The following FHIT variants were observed in gnomAD, a reference collection of about 807,000 sequenced individuals.
FHIT encodes fragile histidine triad diadenosine triphosphatase, also known as bis(5'-adenosyl)-triphosphatase.
FHIT carries 19 observed loss-of-function variants against 17.9 expected under a neutral mutation model. The ratio of observed to expected loss-of-function variants is 1.06; its 90% CI spans 0.74 to 1.56. The LOEUF (loss-of-function observed/expected upper bound fraction) is 1.56. Among genes scored for constraint, FHIT ranks in the 40% most tolerant of loss-of-function variants. FHIT has a pLI of 0.00. For synonymous variants in FHIT, 81 were observed against 69.7 expected (o/e 1.16, Z -0.81); for missense variants, 248 against 189.2 (o/e 1.31, Z -1.82).
At chr3:60,624,857 T>C (rs777044153) in intron 4 of FHIT, among the ~76,000 whole-genome samples, 2 of 151,992 alleles carry the variant, frequency 1.3e-5, no homozygotes, top group African/African-American at 2.4e-5. Context: ...GCCATGTTTG[T>C]CCATTCAGAA....
intron 5 of FHIT, among the ~76,000 whole-genome samples, chr3:60,322,658 C>A (rs1443299679): frequency 6.6e-6 from 1 of 152,168 alleles, no homozygotes; most frequent in African/African-American, 2.4e-5. Flanking sequence ...TTCTTTGAAA[C>A]CTGCACTTGC....
At chr3:60,820,126 G>A (rs906951513) in intron 4 of FHIT, among the ~76,000 whole-genome samples, 2 of 151,986 alleles carry the variant, frequency 1.3e-5, no homozygotes, top group African/African-American at 2.4e-5. Context: ...TGGCCAACAC[G>A]GTAAAACCCC....
intron 2 of FHIT, among the ~76,000 whole-genome samples, chr3:61,191,093 A>T (rs573306986): frequency 1.3e-5 from 2 of 152,168 alleles, no homozygotes; most frequent in African/African-American, 4.8e-5. Context: ...AAAAAAAAAT[A>T]AAATAAAAAA....
chr3:60,337,279 T>C (rs1437141653), intron 5 of FHIT, among the ~76,000 whole-genome samples: 1 of 152,120 alleles, frequency 6.6e-6, no homozygotes, highest in African/African-American at 2.4e-5. Context: ...GACATGAAGT[T>C]CTATCAGGGA....
At chr3:61,177,760 C>A (rs2038203709) in intron 2 of FHIT, among the ~76,000 whole-genome samples, 1 of 152,032 alleles carries the variant, frequency 6.6e-6, no homozygotes, top group Non-Finnish European at 1.5e-5. Context: ...ACAACCCCGG[C>A]CAAAAATTAT....
At chr3:61,176,242 T>C (rs2107150502) in intron 2 of FHIT, among the ~76,000 whole-genome samples, 1 of 152,334 alleles carries the variant, frequency 6.6e-6, no homozygotes, top group South Asian at 2.1e-4. Context: ...CTTGGATCCA[T>C]CAAATAACAT....
At chr3:61,148,982 A>G (rs912175307) in intron 2 of FHIT, among the ~76,000 whole-genome samples, 1 of 152,228 alleles carries the variant, frequency 6.6e-6, no homozygotes, top group Admixed American at 6.5e-5. Context: ...AAGATTCTCA[A>G]AGGCATAAAG....
chr3:60,077,609 A>T (rs1205509384), intron 5 of FHIT: 1 of 151,702 alleles, frequency 6.6e-6, no homozygotes, highest in Non-Finnish European at 1.5e-5. Flanking sequence ...TCCCCTGGCT[A>T]AATAGGGACA....
chr3:61,208,441 G>A lies in FHIT; in HGVS notation c.-212-7776C>T, dbSNP rs201906963. Among the ~76,000 whole-genome samples, 24 of 152,138 alleles carry A rather than the reference G, an allele frequency of 1.6e-4. No homozygotes were observed. In the East Asian group the frequency reaches 4.2e-3, roughly 27 times the overall value. ...TTAAAGTCTCCCATTATTATTGTGTGGGAGTCTAAGTCTCTTTGTAGGTCA... is the reference window on the plus strand; with the variant it reads ...TTAAAGTCTCCCATTATTATTGTGTAGGAGTCTAAGTCTCTTTGTAGGTCA... On this transcript the variant is annotated intron_variant, in intron 1 of 9. Transcript: ENST00000492590.
chr3:60,972,003 A>C (rs1173519414), intron 3 of FHIT, among the ~76,000 whole-genome samples: 1 of 152,146 alleles, frequency 6.6e-6, no homozygotes, highest in African/African-American at 2.4e-5. Context: ...ATTATTCTTA[A>C]TGTTATGAAC....
rs1356257599 is a variant in FHIT, at chr3:60,626,819, T to G, written c.-17-89840A>C. On this transcript the variant is annotated intron_variant, in intron 4 of 9. Coordinates refer to ENST00000492590, the MANE Select transcript of FHIT (RefSeq NM_002012.4). ...TTTTTTTTTTACGTTAAGTATGATA[T>G]GAGCTGTGAATTTTTAATAATGCTT... 2.1e-5 allele frequency among the ~76,000 whole-genome samples: 3 copies of G among 142,710 alleles called. No homozygotes were observed. The South Asian group carries it at 6.7e-4, about 32-fold the overall frequency. 93.6% of individuals were successfully genotyped at this position (142,710 alleles called of 152,430 possible). A position where few individuals can be genotyped will look rare whatever the true frequency, so the allele number is the denominator to read the frequency against.
intron 5 of FHIT, among the ~76,000 whole-genome samples, chr3:60,370,255 G>A (rs886104476): frequency 3.3e-5 from 5 of 152,120 alleles, no homozygotes; most frequent in African/African-American, 1.2e-4. Context: ...AATTCAGTTA[G>A]AACTTGAGGT....
chr3:60,191,957 A>C (rs753386505), intron 5 of FHIT, among the ~76,000 whole-genome samples: 8 of 152,092 alleles, frequency 5.3e-5, no homozygotes, highest in Non-Finnish European at 8.8e-5. Context: ...AAAAAAATAA[A>C]GGTAAAAGGC....
intron 4 of FHIT, among the ~76,000 whole-genome samples, chr3:60,599,106 G>C (rs1228157987): frequency 6.6e-6 from 1 of 152,136 alleles, no homozygotes; most frequent in African/African-American, 2.4e-5. Flanking sequence ...TTGGTACTGG[G>C]GTGCCTACCA....
chr3:60,102,634 A>C (rs1055116545), intron 5 of FHIT, among the ~76,000 whole-genome samples: 5 of 151,452 alleles, frequency 3.3e-5, no homozygotes, highest in African/African-American at 9.7e-5. Context: ...AAAAAAAAAA[A>C]CCCTTCACCT....
intron 5 of FHIT, among the ~76,000 whole-genome samples, chr3:60,142,694 CTT>C (rs61244426): frequency 1.4e-5 from 2 of 141,634 alleles, no homozygotes; most frequent in Non-Finnish European, 1.5e-5. Context: ...TTTTTTTTTT[CTT>C]TTTTTTTTTA....
intron 8 of FHIT, among the ~76,000 whole-genome samples, chr3:59,858,016 A>C (rs576594365): frequency 6.6e-6 from 1 of 152,134 alleles, no homozygotes; most frequent in African/African-American, 2.4e-5. Context: ...CAGTTGGCTC[A>C]GCTGAATATT....
At chr3:60,567,184 G>C (rs1021765983) in intron 4 of FHIT, among the ~76,000 whole-genome samples, 33 of 152,048 alleles carry the variant, frequency 2.2e-4, no homozygotes, top group Non-Finnish European at 4.1e-4. Flanking sequence ...AAAGCTGGAG[G>C]CATCACGCTA....
chr3:60,878,471 T>C (rs1704777684), intron 3 of FHIT, among the ~76,000 whole-genome samples: 1 of 152,100 alleles, frequency 6.6e-6, no homozygotes, highest in Non-Finnish European at 1.5e-5. Context: ...CAACCTATGT[T>C]GTCACTGCCA....
Sources: gnomAD v4.1 joint callset for allele counts (sites outside exome capture counted in the v4.1 genomes callset) on GRCh38, gnomAD v4.1.1 for gene constraint, MANE v1.5 for transcripts, NCBI Gene and HGNC (gene_info 2026-07-23, HGNC 2026-07-21) for gene names.